TMEM178B: variants seen among roughly 807,000 people sequenced by gnomAD.
TMEM178B encodes transmembrane protein 178B.
A neutral mutation model predicts 31.0 loss-of-function variants in TMEM178B; 5 were observed. That is an observed-to-expected ratio of 0.16 (90% CI 0.08 to 0.34). The LOEUF (loss-of-function observed/expected upper bound fraction) is 0.34. TMEM178B is among the 10% of genes least tolerant of loss of function. The pLI, the probability that TMEM178B is intolerant of heterozygous loss-of-function variation, is 1.00. For synonymous variants in TMEM178B, 164 were observed against 164.0 expected (o/e 1.00, Z 0.00); for missense variants, 275 against 400.3 (o/e 0.69, Z 2.67).
intron 2 of TMEM178B, among the ~76,000 whole-genome samples, chr7:141,280,885 T>A (rs1443041129): frequency 6.6e-6 from 1 of 152,202 alleles, no homozygotes; most frequent in East Asian, 1.9e-4. Flanking sequence ...TTTTTCCTGT[T>A]TTCCTGCAAA....
chr7:141,308,018 G>T (rs1798843222), intron 2 of TMEM178B, among the ~76,000 whole-genome samples: 1 of 152,220 alleles, frequency 6.6e-6, no homozygotes, highest in Non-Finnish European at 1.5e-5. Context: ...TTTGTATAAA[G>T]CACTTTTCAC....
intron 2 of TMEM178B, among the ~76,000 whole-genome samples, chr7:141,391,678 G>A (rs991836557): frequency 9.2e-5 from 14 of 151,968 alleles, no homozygotes; most frequent in Admixed American, 9.2e-4. Context: ...CCATAGACAT[G>A]AATTCCCCCA....
chr7:141,383,449 A>G (rs1294229495), intron 2 of TMEM178B, among the ~76,000 whole-genome samples: 1 of 145,392 alleles, frequency 6.9e-6, no homozygotes, highest in Non-Finnish European at 1.5e-5. Flanking sequence ...GTTCCCACCT[A>G]TGAGTGAGAA....
intron 2 of TMEM178B, among the ~76,000 whole-genome samples, chr7:141,396,247 G>A (rs1007143): frequency 0.26 from 39,447 of 152,032 alleles, 5,251 homozygotes; most frequent in Admixed American, 0.3. Flanking sequence ...GTCTTCTTGC[G>A]TGCCTCCCCT....
chr7:141,509,809 T>C, the TMEM178B span, among the ~76,000 whole-genome samples: 17 of 152,352 alleles, frequency 1.1e-4, no homozygotes, highest in African/African-American at 3.8e-4. Context: ...ATGTTACAGA[T>C]GCTCGGAAAC....
At chr7:141,281,679 G>A (rs991356464) in intron 2 of TMEM178B, among the ~76,000 whole-genome samples, 3 of 152,168 alleles carry the variant, frequency 2.0e-5, no homozygotes, top group Non-Finnish European at 2.9e-5. Flanking sequence ...CAGCTATTTC[G>A]TAGAAGAGTC....
intron 1 of TMEM178B, among the ~76,000 whole-genome samples, chr7:141,085,608 A>C (rs909302235): frequency 1.4e-4 from 21 of 151,368 alleles, no homozygotes; most frequent in Non-Finnish European, 2.9e-4. Context: ...TCTGTTGGAC[A>C]CTTTATTTGC....
At chr7:141,201,866 A>G (rs1796883588) in intron 1 of TMEM178B, among the ~76,000 whole-genome samples, 1 of 152,166 alleles carries the variant, frequency 6.6e-6, no homozygotes, top group East Asian at 1.9e-4. Context: ...GCAAATGGAA[A>G]AGTTTTACTT....
At chr7:141,340,552 T>C (rs1461138340) in intron 2 of TMEM178B, among the ~76,000 whole-genome samples, 1 of 152,238 alleles carries the variant, frequency 6.6e-6, no homozygotes. Context: ...AAAAGTCGCC[T>C]ATATCAAGAG....
intron 1 of TMEM178B, among the ~76,000 whole-genome samples, chr7:141,128,480 C>T (rs1279408149): frequency 6.6e-6 from 1 of 152,026 alleles, no homozygotes; most frequent in South Asian, 2.1e-4. Flanking sequence ...AAAAATGCTT[C>T]TCTACAATGA....
At chr7:141,111,028 G>A (rs2129175095) in intron 1 of TMEM178B, among the ~76,000 whole-genome samples, 1 of 152,330 alleles carries the variant, frequency 6.6e-6, no homozygotes, top group South Asian at 2.1e-4. Context: ...TGTTGTTTAA[G>A]CCACGCAGTC....
intron 2 of TMEM178B, among the ~76,000 whole-genome samples, chr7:141,288,379 C>T (rs1798484826): frequency 6.6e-6 from 1 of 151,856 alleles, no homozygotes; most frequent in Non-Finnish European, 1.5e-5. Flanking sequence ...CCCAGTGCCT[C>T]GCTCCATCCT....
At chr7:141,240,163 G>T (rs1040427494) in intron 2 of TMEM178B, among the ~76,000 whole-genome samples, 37 of 152,182 alleles carry the variant, frequency 2.4e-4, no homozygotes, top group African/African-American at 8.0e-4. Flanking sequence ...GCCATGTGTG[G>T]GTAGTGGCTA....
intron 2 of TMEM178B, among the ~76,000 whole-genome samples, chr7:141,254,053 GA>G (rs1797881364): frequency 6.6e-6 from 1 of 152,168 alleles, no homozygotes. Context: ...TTTGCTTTTT[GA>G]AAAGGTGTCA....
intron 1 of TMEM178B, among the ~76,000 whole-genome samples, chr7:141,177,467 G>A (rs1285730194): frequency 6.6e-6 from 1 of 152,134 alleles, no homozygotes. Flanking sequence ...GGTCCTCTTG[G>A]ACTGGAGCTG....
At chr7:141,296,710 G>C (rs1798640688) in intron 2 of TMEM178B, among the ~76,000 whole-genome samples, 1 of 152,206 alleles carries the variant, frequency 6.6e-6, no homozygotes, top group African/African-American at 2.4e-5. Flanking sequence ...CCTTCACTCA[G>C]TTTCCCCCAG....
chr7:141,344,583 CCTTCCTTCCTTCCTT>C lies in TMEM178B; in HGVS notation c.497-93023_497-93009del, dbSNP rs1799579898. On this transcript the variant is annotated intron_variant, in intron 2 of 3. Transcript: ENST00000565468. The surrounding 1 kb of genome is among the most constrained non-coding windows in gnomAD (Gnocchi z 4.1). ...TCCATTCCTCCCTCCTCCCTTCCTT[CCTTCCTTCCTTCCTT>C]CCTTCCTTCCTTCCTTCCTTCCTTC... is the stretch of plus-strand genomic sequence containing the variant. Among the ~76,000 whole-genome samples, 2 of 84,588 alleles carry C rather than the reference CCTTCCTTCCTTCCTT, an allele frequency of 2.4e-5. No homozygotes were observed. Among genetic ancestry groups the C allele is most frequent in the Non-Finnish European group, 4.8e-5 (2 of 41,790 alleles). The allele number at this position is 84,588 out of a possible 152,430, so 55.5% of individuals were successfully genotyped here.
At chr7:141,413,332 T>C (rs1801030362) in intron 2 of TMEM178B, among the ~76,000 whole-genome samples, 9 of 152,218 alleles carry the variant, frequency 5.9e-5, no homozygotes, top group Admixed American at 5.2e-4. Flanking sequence ...GTGAGTCACA[T>C]TGATACTTCT....
intron 2 of TMEM178B, among the ~76,000 whole-genome samples, chr7:141,356,380 G>GTTT (rs111845779): frequency 2.0e-5 from 3 of 147,416 alleles, no homozygotes; most frequent in African/African-American, 5.0e-5. Flanking sequence ...ACTGACATCT[G>GTTT]TTTTTTTTTT....
Sources: gnomAD v4.1 joint callset for allele counts (sites outside exome capture counted in the v4.1 genomes callset) on GRCh38, gnomAD v4.1.1 for gene constraint, Gnocchi (gnomAD v3.1) non-coding constraint, MANE v1.5 for transcripts, NCBI Gene and HGNC (gene_info 2026-07-23, HGNC 2026-07-21) for gene names.